Variants in RNF150 observed in about 807,000 individuals in gnomAD.
The protein encoded by RNF150 is ring finger protein 150.
RNF150 carries 24 observed loss-of-function variants against 39.3 expected under a neutral mutation model. The observed-to-expected ratio is 0.61, with a 90% CI of 0.44 to 0.86. RNF150 has a LOEUF of 0.86. RNF150 is among the 40% of genes least tolerant of loss of function. The pLI is 0.00. For missense variants in RNF150, 502 were observed against 587.8 expected (o/e 0.85, Z 1.51); for synonymous variants, 255 against 227.3 (o/e 1.12, Z -1.10).
At chr4:141,007,726 C>A (rs1734926644) in intron 1 of RNF150, among the ~76,000 whole-genome samples, 1 of 152,174 alleles carries the variant, frequency 6.6e-6, no homozygotes, top group South Asian at 2.1e-4. Flanking sequence ...GTAGGATTAA[C>A]AGAAATGAGT....
At chr4:141,201,823 C>T (rs1728297160) in intron 1 of RNF150, among the ~76,000 whole-genome samples, 2 of 152,126 alleles carry the variant, frequency 1.3e-5, no homozygotes, top group African/African-American at 4.8e-5. Context: ...AAACCTTGTG[C>T]TATGGTCTGA....
At position 141,132,224 on chromosome 4, in the gene RNF150, C is replaced by A. The variant is rs188158746; in HGVS notation, c.484+101G>T. ...GGGAACCCAGACACGTCTTCCGCGC[C>A]GCACGGACTTCCCAGAAGGAGCCTG... On this transcript the variant is annotated intron_variant, in intron 1 of 6. Coordinates refer to ENST00000515673, the MANE Select transcript of RNF150 (RefSeq NM_020724.2). The surrounding 1 kb of genome is among the most constrained non-coding windows in gnomAD (Gnocchi z 4.9). 882 of 1,264,120 alleles carry A rather than the reference C, an allele frequency of 7.0e-4. 5 individuals carry two copies. The African/African-American group carries it at 0.011, about 15-fold the overall frequency. 78.3% of individuals were successfully genotyped at this position (1,264,120 alleles called of 1,614,324 possible).
chr4:141,053,133 C>T (rs1003790227), intron 1 of RNF150, among the ~76,000 whole-genome samples: 8 of 152,126 alleles, frequency 5.3e-5, no homozygotes, highest in Non-Finnish European at 1.2e-4. Flanking sequence ...ACCACTTTCC[C>T]GATCAGTTTT....
chr4:141,071,772 G>C, intron 1 of RNF150, among the ~76,000 whole-genome samples: 1 of 152,234 alleles, frequency 6.6e-6, no homozygotes, highest in Non-Finnish European at 1.5e-5. Flanking sequence ...ATAATGATGG[G>C]AGCTCTTATT....
At chr4:141,106,943 T>C (rs146655255) in intron 1 of RNF150, among the ~76,000 whole-genome samples, 1 of 152,294 alleles carries the variant, frequency 6.6e-6, no homozygotes, top group Non-Finnish European at 1.5e-5. Context: ...ATGTCAAATA[T>C]AGACTGCTAT....
intron 1 of RNF150, among the ~76,000 whole-genome samples, chr4:141,020,509 G>GT (rs1474693937): frequency 1.3e-5 from 2 of 152,126 alleles, no homozygotes; most frequent in South Asian, 4.1e-4. Flanking sequence ...TTCTCCCAGA[G>GT]GCACCTTCCT....
intron 1 of RNF150, among the ~76,000 whole-genome samples, chr4:140,999,460 A>G (rs1734495160): frequency 6.6e-6 from 1 of 152,238 alleles, no homozygotes; most frequent in South Asian, 2.1e-4. Context: ...AAGGGTTTAC[A>G]TGATGTAGCA....
At position 141,132,844 on chromosome 4, in the gene RNF150, C is replaced by T; in HGVS notation, c.-36G>A. On this transcript the variant is annotated 5_prime_UTR_variant, in exon 1 of 7. Transcript: ENST00000515673. This position sits in a 1 kb window ranked among gnomAD's most constrained non-coding sequence, Gnocchi z 4.9. Reference sequence around the variant, plus strand: ...CGGGGCCCCCTCCCCGCCCCCGCGCCCTCCCTCCGTCCCGTCCCTCCTCCC... The same window carrying T: ...CGGGGCCCCCTCCCCGCCCCCGCGCTCTCCCTCCGTCCCGTCCCTCCTCCC... The T allele has an allele frequency of 1.9e-6, 3 of 1,566,216 alleles. No individual in the cohort carries two copies. The highest frequency in any genetic ancestry group is 1.7e-6 in the Non-Finnish European group (2 of 1,144,220).
At chr4:141,096,086 ACTT>A (rs1381174104) in intron 1 of RNF150, among the ~76,000 whole-genome samples, 1 of 151,312 alleles carries the variant, frequency 6.6e-6, no homozygotes, top group African/African-American at 2.4e-5. Context: ...GGCCACATTT[ACTT>A]CTTATTTGAT....
intron 2 of RNF150, among the ~76,000 whole-genome samples, chr4:140,960,218 T>C (rs1252002177): frequency 6.6e-6 from 1 of 152,130 alleles, no homozygotes; most frequent in African/African-American, 2.4e-5. Context: ...CTCACACATA[T>C]GGTAACCATA....
chr4:140,924,657 C>G (rs546599209), intron 5 of RNF150, among the ~76,000 whole-genome samples: 127 of 152,164 alleles, frequency 8.3e-4, no homozygotes, highest in Non-Finnish European at 8.2e-4. Flanking sequence ...CTGAGCTCAG[C>G]TTTCTAAGTC....
chr4:141,190,757 CACTA>C (rs550098365), intron 1 of RNF150, among the ~76,000 whole-genome samples: 3 of 152,292 alleles, frequency 2.0e-5, no homozygotes, highest in Admixed American at 1.3e-4. Flanking sequence ...AGTTATTGAA[CACTA>C]ACTATGTCTT....
intron 2 of RNF150, among the ~76,000 whole-genome samples, chr4:140,959,163 C>T (rs1023567554): frequency 1.9e-4 from 29 of 152,210 alleles, no homozygotes; most frequent in African/African-American, 6.5e-4. Context: ...GCCTTATAAC[C>T]CTGGCCTGCT....
chr4:140,949,273 C>T, intron 3 of RNF150, 28 bp downstream of exon 3: 1 of 1,576,356 alleles, frequency 6.3e-7, no homozygotes, highest in Non-Finnish European at 8.7e-7. Flanking sequence ...AATAGCTCCT[C>T]ACCAAAAAGA....
At chr4:141,106,804 A>T (rs1346372162) in intron 1 of RNF150, among the ~76,000 whole-genome samples, 1 of 151,800 alleles carries the variant, frequency 6.6e-6, no homozygotes, top group Non-Finnish European at 1.5e-5. Flanking sequence ...CAAAAAAAAT[A>T]ATATATATAT....
chr4:141,185,314 G>A (rs1727984989), intron 1 of RNF150, among the ~76,000 whole-genome samples: 2 of 152,086 alleles, frequency 1.3e-5, no homozygotes, highest in South Asian at 2.1e-4. Context: ...GTTCACTCAT[G>A]ATTTGGCTGT....
At chr4:141,027,922 T>G (rs865998208) in intron 1 of RNF150, among the ~76,000 whole-genome samples, 12 of 67,178 alleles carry the variant, frequency 1.8e-4, no homozygotes, top group East Asian at 8.3e-4. Context: ...GTTTTTTTTT[T>G]TTTGTTTTTT....
Position 140,967,808 on chromosome 4 carries a change from C to G in RNF150, c.550G>C (p.Glu184Gln). The G allele has an allele frequency of 1.2e-6, 2 of 1,613,524 alleles. No homozygotes were observed. The highest frequency in any genetic ancestry group is 1.7e-6 in the Non-Finnish European group (2 of 1,179,636). The change falls in exon 2 of 7, where the codon GAA (glutamate) becomes CAA (glutamine). Residue 184 changes from glutamate (E) to glutamine (Q), a missense_variant. By Grantham distance (29) the Glu-to-Gln change is conservative (BLOSUM62 2). Coordinates refer to ENST00000515673, the MANE Select transcript of RNF150 (RefSeq NM_020724.2). ...PKGKEIVSLL[E>Q]RNITVTMYIT... ...TACATTGTCACGGTGATGTTTCTTT[C>G]CAGCAGGCTTACTATCTCCTTCCCT...
At chr4:141,076,921 T>A (rs1394366714) in intron 1 of RNF150, among the ~76,000 whole-genome samples, 1 of 152,168 alleles carries the variant, frequency 6.6e-6, no homozygotes, top group African/African-American at 2.4e-5. Flanking sequence ...TTTGATTCTA[T>A]CCCCATTCCA....
Sources: gnomAD v4.1 joint callset for allele counts (sites outside exome capture counted in the v4.1 genomes callset) on GRCh38, gnomAD v4.1.1 for gene constraint, Gnocchi (gnomAD v3.1) non-coding constraint, MANE v1.5 for transcripts, NCBI Gene and HGNC (gene_info 2026-07-23, HGNC 2026-07-21) for gene names.